Variants in MAN1A1 observed in about 807,000 individuals in gnomAD.
MAN1A1 encodes mannosidase alpha class 1A member 1.
Under a neutral mutation model 70.8 loss-of-function variants are expected in MAN1A1, and 29 were observed. The ratio of observed to expected loss-of-function variants is 0.41; its 90% CI spans 0.31 to 0.56. MAN1A1 has a LOEUF of 0.56. Among genes scored for constraint, MAN1A1 ranks in the 20% least tolerant of loss-of-function variants. The pLI, the probability that MAN1A1 is intolerant of heterozygous loss-of-function variation, is 0.29. For synonymous variants in MAN1A1, 349 were observed against 330.1 expected (o/e 1.06, Z -0.62); for missense variants, 747 against 841.3 (o/e 0.89, Z 1.39).
intron 4 of MAN1A1, among the ~76,000 whole-genome samples, chr6:119,297,791 G>GCTTT (rs1772260462): frequency 1.2e-5 from 1 of 83,026 alleles, no homozygotes; most frequent in Non-Finnish European, 2.6e-5. Flanking sequence ...CCAGGCTGGA[G>GCTTT]TTTTTTTGTT....
chr6:119,206,849 A>G (rs1214430729), intron 6 of MAN1A1, among the ~76,000 whole-genome samples: 2 of 152,252 alleles, frequency 1.3e-5, no homozygotes, highest in Non-Finnish European at 2.9e-5. Context: ...GAAATATTAA[A>G]AACAAAGCTG....
chr6:119,277,120 TTA>T (rs1776088332), intron 5 of MAN1A1, among the ~76,000 whole-genome samples: 1 of 152,154 alleles, frequency 6.6e-6, no homozygotes, highest in Non-Finnish European at 1.5e-5. Context: ...CCCTCAAGGC[TTA>T]TGTTTATTTT....
intron 8 of MAN1A1, among the ~76,000 whole-genome samples, chr6:119,200,435 C>T (rs1282077863): frequency 1.3e-5 from 2 of 152,016 alleles, no homozygotes; most frequent in African/African-American, 4.8e-5. Context: ...TTAAACTATT[C>T]TTTAAGAAAA....
chr6:119,195,925 C>A (rs575353313), intron 8 of MAN1A1, among the ~76,000 whole-genome samples: 1 of 152,292 alleles, frequency 6.6e-6, no homozygotes, highest in Admixed American at 6.5e-5. Flanking sequence ...CTGACATTTA[C>A]AAACTAAATA....
intron 5 of MAN1A1, among the ~76,000 whole-genome samples, chr6:119,287,935 T>C (rs1019565002): frequency 1.4e-4 from 22 of 152,176 alleles, no homozygotes; most frequent in Middle Eastern, 3.4e-3. Flanking sequence ...GCTTCTTATA[T>C]AGCATTTGAA....
chr6:119,273,287 G>A (rs947859145), intron 5 of MAN1A1, among the ~76,000 whole-genome samples: 1 of 152,010 alleles, frequency 6.6e-6, no homozygotes, highest in Non-Finnish European at 1.5e-5. Context: ...CATACCAACC[G>A]GAAGCAAATA....
intron 2 of MAN1A1, among the ~76,000 whole-genome samples, chr6:119,326,011 C>G (rs1023654437): frequency 1.3e-5 from 2 of 152,174 alleles, no homozygotes; most frequent in Non-Finnish European, 2.9e-5. Context: ...ATCACAGCAA[C>G]AGACCTGTTG....
At chr6:119,292,622 G>A (rs1366540838) in intron 4 of MAN1A1, among the ~76,000 whole-genome samples, 2 of 151,978 alleles carry the variant, frequency 1.3e-5, no homozygotes, top group East Asian at 3.9e-4. Context: ...TCAAGTAATT[G>A]CTTAAGTTAA....
chr6:119,265,086 T>C (rs1041327256), intron 5 of MAN1A1, among the ~76,000 whole-genome samples: 2 of 137,942 alleles, frequency 1.4e-5, no homozygotes, highest in Non-Finnish European at 1.6e-5. Context: ...GGACTTCTTT[T>C]AAGTGCCTTT....
intron 2 of MAN1A1, among the ~76,000 whole-genome samples, chr6:119,318,843 G>T (rs1262119410): frequency 6.6e-6 from 1 of 151,988 alleles, no homozygotes; most frequent in Non-Finnish European, 1.5e-5. Context: ...ATCCTACACG[G>T]GTTCTTTCAT....
At chr6:119,347,567 C>A (rs1773764556) in intron 2 of MAN1A1, among the ~76,000 whole-genome samples, 1 of 152,176 alleles carries the variant, frequency 6.6e-6, no homozygotes, top group African/African-American at 2.4e-5. Context: ...CGCGTGGTGA[C>A]AGGTGACTGG....
chr6:119,181,992 C>T (rs1003844155), intron 11 of MAN1A1, among the ~76,000 whole-genome samples: 1 of 152,146 alleles, frequency 6.6e-6, no homozygotes, highest in African/African-American at 2.4e-5. Flanking sequence ...TTTTCATTGC[C>T]ACCAACAGTG....
chr6:119,326,934 T>C (rs1206587679), intron 2 of MAN1A1, among the ~76,000 whole-genome samples: 1 of 152,214 alleles, frequency 6.6e-6, no homozygotes, highest in Non-Finnish European at 1.5e-5. Flanking sequence ...TGCAAGTGAC[T>C]GTGCTTGACT....
Position 119,193,525 on chromosome 6 carries a change from G to T in MAN1A1, c.1326+252C>A, listed in dbSNP as rs181387314. Reference sequence around the variant, plus strand: ...AAGGAGAGAATTCATATTTATCAAAGAATACTACTTTTTCAGATATGTGAC... The same window carrying T: ...AAGGAGAGAATTCATATTTATCAAATAATACTACTTTTTCAGATATGTGAC... On this transcript the variant is annotated intron_variant, in intron 9 of 12. Transcript: ENST00000368468. 2.7e-4 allele frequency among the ~76,000 whole-genome samples: 41 copies of T among 151,884 alleles called. No homozygotes were observed. In the East Asian group the frequency reaches 6.4e-3, roughly 24 times the overall value.
intron 4 of MAN1A1, among the ~76,000 whole-genome samples, chr6:119,291,757 G>C (rs1028036493): frequency 2.6e-5 from 4 of 151,936 alleles, no homozygotes; most frequent in African/African-American, 9.7e-5. Flanking sequence ...TCATCTCTGA[G>C]AAGATATTTC....
chr6:119,221,950 T>A (rs1445372617), intron 6 of MAN1A1, among the ~76,000 whole-genome samples: 1 of 152,190 alleles, frequency 6.6e-6, no homozygotes, highest in African/African-American at 2.4e-5. Context: ...ATTAATATAC[T>A]TTTGGGAAAT....
At chr6:119,226,474 A>C (rs1329660180) in intron 6 of MAN1A1, among the ~76,000 whole-genome samples, 1 of 152,190 alleles carries the variant, frequency 6.6e-6, no homozygotes, top group Non-Finnish European at 1.5e-5. Context: ...AACAAACTAA[A>C]AACAAATGAA....
chr6:119,193,172 A>G (rs1000603042), intron 9 of MAN1A1, among the ~76,000 whole-genome samples: 1 of 150,498 alleles, frequency 6.6e-6, no homozygotes, highest in Non-Finnish European at 1.5e-5. Context: ...TGTGAGAGAG[A>G]AAAAAACCCA....
rs1294104932 is a variant in MAN1A1 at position 119,344,067 on chromosome 6, TCATA to T, written c.603+4392_603+4395del. Among the ~76,000 whole-genome samples, 4 of 152,258 alleles carry T rather than the reference TCATA, an allele frequency of 2.6e-5. No individual in the cohort carries two copies. In the East Asian group the frequency reaches 5.8e-4, roughly 22 times the overall value. ...CAATGAATTCCAACCAATTCAGATC[TCATA>T]CAAATGCATTTTGTGTAATACTAAG... On this transcript the variant is annotated intron_variant, in intron 2 of 12. Transcript: ENST00000368468.
Sources: gnomAD v4.1 joint callset for allele counts (sites outside exome capture counted in the v4.1 genomes callset) on GRCh38, gnomAD v4.1.1 for gene constraint, MANE v1.5 for transcripts, NCBI Gene and HGNC (gene_info 2026-07-23, HGNC 2026-07-21) for gene names.